Variants in PCDHA10 observed in about 807,000 individuals in gnomAD.
PCDHA10 encodes the protein protocadherin alpha 10.
Under a neutral mutation model 61.2 loss-of-function variants are expected in PCDHA10, and 45 were observed. The ratio of observed to expected loss-of-function variants is 0.74; its 90% CI spans 0.58 to 0.94. The LOEUF (loss-of-function observed/expected upper bound fraction) is 0.94. Among genes scored for constraint, PCDHA10 ranks in the 40% least tolerant of loss-of-function variants. PCDHA10 has a pLI of 0.00. For missense variants in PCDHA10, 1,278 were observed against 1,236.2 expected (o/e 1.03, Z -0.51); for synonymous variants, 602 against 548.8 (o/e 1.10, Z -1.35).
At chr5:140,944,290 C>T (rs912018562) in intron 1 of PCDHA10, among the ~76,000 whole-genome samples, 8 of 152,124 alleles carry the variant, frequency 5.3e-5, no homozygotes, top group African/African-American at 9.7e-5. Flanking sequence ...CGGGCTCAAG[C>T]GATCCTCCTA....
At chr5:140,962,076 G>A (rs2095654806) in intron 1 of PCDHA10, among the ~76,000 whole-genome samples, 1 of 151,758 alleles carries the variant, frequency 6.6e-6, no homozygotes. Flanking sequence ...TAGTAGAGAC[G>A]GGGTTTCACC....
chr5:140,935,341 G>A (rs1318000398), intron 1 of PCDHA10, among the ~76,000 whole-genome samples: 5 of 152,046 alleles, frequency 3.3e-5, no homozygotes, highest in Non-Finnish European at 5.9e-5. Context: ...TCTCCCATAC[G>A]TCAAATCCCA....
chr5:140,969,331 G>A, intron 1 of PCDHA10: 1 of 1,614,042 alleles, frequency 6.2e-7, no homozygotes, highest in Non-Finnish European at 8.5e-7. Context: ...CTCAAAATGA[G>A]GTGAGACAGT....
intron 1 of PCDHA10, among the ~76,000 whole-genome samples, chr5:140,937,638 C>T (rs1563161991): frequency 6.7e-6 from 1 of 150,048 alleles, no homozygotes; most frequent in Non-Finnish European, 1.5e-5. Flanking sequence ...AAAGGCAGGG[C>T]ATGGTGGCTC....
In PCDHA10 at chr5:140,982,560, C is replaced by T. The variant is rs782437404; in HGVS notation, c.2533C>T (p.Pro845Ser). 6.2e-7 allele frequency: 1 copy of T among 1,614,098 alleles called. No homozygotes were observed. Among genetic ancestry groups the T allele is most frequent in the Admixed American group, 1.7e-5 (1 of 60,022 alleles). ...GTGGCCAACAGTATCCAGTGCAACA[C>T]CAGGTAAAGAGCTGGGGTCTCTCCA... ...QQWPTVSSAT[P>S]EPEAGEVSPP... The change falls in exon 3 of 4, where the codon CCA (proline) becomes TCA (serine). Residue 845 changes from proline (P) to serine (S), a missense_variant. Coordinates refer to ENST00000307360, the MANE Select transcript of PCDHA10 (RefSeq NM_018901.4).
intron 1 of PCDHA10, among the ~76,000 whole-genome samples, chr5:140,914,730 C>T (rs2076816445): frequency 6.6e-6 from 1 of 151,438 alleles, no homozygotes; most frequent in Non-Finnish European, 1.5e-5. Context: ...TTTTGTGTAT[C>T]CATTGTATGT....
At chr5:140,956,933 A>G (rs1243678543) in intron 1 of PCDHA10, among the ~76,000 whole-genome samples, 1 of 151,594 alleles carries the variant, frequency 6.6e-6, no homozygotes, top group Non-Finnish European at 1.5e-5. Flanking sequence ...TGGATATAGG[A>G]TAAAATTTAC....
At chr5:140,941,215 C>CTTTCTTTCTTTCTT (rs2092887387) in intron 1 of PCDHA10, among the ~76,000 whole-genome samples, 1 of 104,510 alleles carries the variant, frequency 9.6e-6, no homozygotes, top group African/African-American at 3.7e-5. Context: ...TTCTTTCTTC[C>CTTTCTTTCTTTCTT]TTTCTTTCTT....
At chr5:140,904,275 C>A (rs169087) in intron 1 of PCDHA10, among the ~76,000 whole-genome samples, 7,060 of 152,068 alleles carry the variant, frequency 0.046, 292 homozygotes, top group African/African-American at 0.11. Flanking sequence ...TGAATGAGAA[C>A]ATGTGGTGTT....
chr5:140,979,090 C>A, intron 2 of PCDHA10, 83 bp downstream of exon 2: 1 of 1,557,284 alleles, frequency 6.4e-7, no homozygotes, highest in Non-Finnish European at 8.7e-7. Flanking sequence ...AGGCCAGAAG[C>A]AGCTGTCAAA....
At chr5:140,935,127 T>C (rs1223390448) in intron 1 of PCDHA10, among the ~76,000 whole-genome samples, 1 of 152,170 alleles carries the variant, frequency 6.6e-6, no homozygotes, top group Non-Finnish European at 1.5e-5. Flanking sequence ...TTATTTTTAG[T>C]GAAAGATGAT....
In PCDHA10 at chr5:140,870,085, C is replaced by G. The variant is rs200687541; in HGVS notation, c.2388+11649C>G. The stretch of plus-strand genomic sequence containing the variant: ...ACAGGCTACAGATAAGGGGACTCCC[C>G]CAATGGCAGGTCACTGTACAGTCTG... On this transcript the variant is annotated intron_variant, in intron 1 of 3. Coordinates refer to ENST00000307360, the MANE Select transcript of PCDHA10 (RefSeq NM_018901.4). 11 of 1,613,744 alleles carry G rather than the reference C, an allele frequency of 6.8e-6. No individual in the cohort carries two copies. The African/African-American group carries it at 1.3e-4, about 20-fold the overall frequency.
intron 1 of PCDHA10, 82 bp downstream of exon 1, chr5:140,858,518 A>G: frequency 7.0e-7 from 1 of 1,420,434 alleles, no homozygotes; most frequent in African/African-American, 1.4e-5. Context: ...TATGTATCAG[A>G]ATATTTCATT....
chr5:140,858,565 T>C (rs782424378), intron 1 of PCDHA10, 129 bp downstream of exon 1: 1 of 1,375,216 alleles, frequency 7.3e-7, no homozygotes, highest in South Asian at 1.3e-5. Flanking sequence ...ATATTTCTAG[T>C]GATACCTTTG....
intron 3 of PCDHA10, among the ~76,000 whole-genome samples, chr5:140,983,060 A>G (rs1460099092): frequency 6.6e-6 from 1 of 152,120 alleles, no homozygotes; most frequent in Non-Finnish European, 1.5e-5. Flanking sequence ...TATCGGAACC[A>G]AGGCATTGTT....
At chr5:141,003,536 C>T (rs1409675219) in intron 3 of PCDHA10, among the ~76,000 whole-genome samples, 1 of 152,152 alleles carries the variant, frequency 6.6e-6, no homozygotes, top group Non-Finnish European at 1.5e-5. Context: ...TGGTCTTGAA[C>T]TCCTGGCTTC....
rs782039603 is a variant in PCDHA10 at position 140,876,722 on chromosome 5, G to A, written c.2388+18286G>A. 2.5e-6 allele frequency: 4 copies of A among 1,614,134 alleles called. No individual in the cohort carries two copies. In the Admixed American group the frequency reaches 5.0e-5, roughly 20 times the overall value. On this transcript the variant is annotated intron_variant, in intron 1 of 3. Coordinates refer to ENST00000307360, the MANE Select transcript of PCDHA10 (RefSeq NM_018901.4). ...CTGGACAGCGCCCTGGACCGCGAGA[G>A]CGTGTCGGCCTATGAGCTGGTGGTG...
chr5:140,864,321 C>T (rs1040853151), intron 1 of PCDHA10: 1 of 152,126 alleles, frequency 6.6e-6, no homozygotes, highest in African/African-American at 2.4e-5. Flanking sequence ...TATTTAATAT[C>T]ATAATTATTT....
At chr5:140,966,730 C>T in intron 1 of PCDHA10, 1 of 1,405,456 alleles carries the variant, frequency 7.1e-7, no homozygotes, top group Non-Finnish European at 9.2e-7. Context: ...CTGCCGCCTC[C>T]GGCCCTGCCC....
Sources: gnomAD v4.1 joint callset for allele counts (sites outside exome capture counted in the v4.1 genomes callset) on GRCh38, gnomAD v4.1.1 for gene constraint, MANE v1.5 for transcripts, NCBI Gene and HGNC (gene_info 2026-07-23, HGNC 2026-07-21) for gene names.